Variants in PARD3B observed in about 807,000 individuals in gnomAD.
PARD3B encodes the protein par-3 family cell polarity regulator beta, also known as partitioning defective 3 homolog B.
Under a neutral mutation model 130.2 loss-of-function variants are expected in PARD3B, and 103 were observed. The ratio of observed to expected loss-of-function variants is 0.79; its 90% confidence interval spans 0.67 to 0.93. PARD3B has a LOEUF of 0.93. Ranked by LOEUF, PARD3B falls within the 40% of genes least tolerant of loss-of-function variation. The pLI is 0.00. For synonymous variants in PARD3B, 583 were observed against 553.2 expected (o/e 1.05, Z -0.76); for missense variants, 1,609 against 1,499.2 (o/e 1.07, Z -1.21).
intron 18 of PARD3B, among the ~76,000 whole-genome samples, chr2:205,349,400 T>C (rs2043910169): frequency 6.6e-6 from 1 of 152,222 alleles, no homozygotes; most frequent in Admixed American, 6.5e-5. Context: ...CTCCAAGCTC[T>C]CCTGGCATGA....
chr2:205,453,852 G>T (rs1177425093), intron 20 of PARD3B, among the ~76,000 whole-genome samples: 1 of 152,186 alleles, frequency 6.6e-6, no homozygotes, highest in Non-Finnish European at 1.5e-5. Flanking sequence ...TAGGGTATGT[G>T]TATAGCTGAG....
In PARD3B at chr2:205,379,888, T is replaced by A. The variant is rs2045245367; in HGVS notation, c.2631-21125T>A. ...ACTGAGACCATCTTGGCTAATATGG[T>A]GAAACCCCGTGTCTACTAAAAATAT... On this transcript the variant is annotated intron_variant, in intron 18 of 22. Transcript: ENST00000406610. Among the ~76,000 whole-genome samples the A allele has an allele frequency of 2.6e-5, 4 of 151,414 alleles. No individual in the cohort carries two copies. In the South Asian group the frequency reaches 8.4e-4, roughly 32 times the overall value.
At chr2:205,038,883 C>T (rs1057045145) in intron 3 of PARD3B, among the ~76,000 whole-genome samples, 2 of 152,146 alleles carry the variant, frequency 1.3e-5, no homozygotes, top group Non-Finnish European at 2.9e-5. Context: ...CTAATGGACT[C>T]ATATTTAAGA....
intron 15 of PARD3B, among the ~76,000 whole-genome samples, chr2:205,197,036 T>TGTGG: frequency 8.8e-6 from 1 of 113,620 alleles, no homozygotes; most frequent in Non-Finnish European, 2.0e-5. Context: ...GGGGGGGGTG[T>TGTGG]GTGTGTGTGT....
At chr2:205,074,014 G>T (rs1471466167) in intron 4 of PARD3B, among the ~76,000 whole-genome samples, 3 of 152,096 alleles carry the variant, frequency 2.0e-5, no homozygotes, top group Non-Finnish European at 4.4e-5. Flanking sequence ...TTAGACAAAT[G>T]GTAAGGCTGT....
At chr2:205,580,292 A>G (rs969618910) in intron 22 of PARD3B, among the ~76,000 whole-genome samples, 2 of 152,316 alleles carry the variant, frequency 1.3e-5, no homozygotes, top group Admixed American at 6.5e-5. Context: ...TTTTTCAAGT[A>G]TGACGCACAG....
At chr2:205,342,394 A>G (rs904124091) in intron 18 of PARD3B, among the ~76,000 whole-genome samples, 2 of 152,206 alleles carry the variant, frequency 1.3e-5, no homozygotes, top group South Asian at 4.1e-4. Flanking sequence ...ACAGCTTCCA[A>G]ATATCTCAGA....
At position 204,906,387 on chromosome 2, in the gene PARD3B, T is replaced by C. The variant is rs2047043095; in HGVS notation, c.223-58765T>C. Among the ~76,000 whole-genome samples, 1 of 152,136 alleles carries C rather than the reference T, an allele frequency of 6.6e-6. No individual in the cohort carries two copies. The highest frequency in any genetic ancestry group is 1.5e-5 in the Non-Finnish European group (1 of 68,018). The stretch of plus-strand genomic sequence containing the variant: ...AGAATGCTAAAGCCCATTTTCCCCC[T>C]TTGTTTTCTCTTTTCATTGGTGTGT... On this transcript the variant is annotated intron_variant, in intron 2 of 22. Coordinates refer to ENST00000406610, the MANE Select transcript of PARD3B (RefSeq NM_001302769.2). The surrounding 1 kb of genome is among the most constrained non-coding windows in gnomAD (Gnocchi z 4.3).
intron 21 of PARD3B, among the ~76,000 whole-genome samples, chr2:205,535,497 T>G (rs906000288): frequency 6.6e-6 from 1 of 152,228 alleles, no homozygotes; most frequent in Non-Finnish European, 1.5e-5. Flanking sequence ...CATGTGAATA[T>G]TCTAGTTCAA....
chr2:205,239,715 A>G (rs1402596659), intron 15 of PARD3B, among the ~76,000 whole-genome samples: 1 of 152,242 alleles, frequency 6.6e-6, no homozygotes, highest in Non-Finnish European at 1.5e-5. Context: ...GATGAAGGGA[A>G]TAAGCCCTCC....
In PARD3B at chr2:205,495,834, A is replaced by C. The variant is rs530951358; in HGVS notation, c.3045-4062A>C. ...ATCATCTATTTGCTAGGAGCTTCAT[A>C]TTCTTCATCTTTATTGAGCAGAATA... On this transcript the variant is annotated intron_variant, in intron 20 of 22. Transcript: ENST00000406610. Among the ~76,000 whole-genome samples the C allele has an allele frequency of 3.3e-5, 5 of 152,288 alleles. No individual in the cohort carries two copies. In the South Asian group the frequency reaches 8.3e-4, roughly 25 times the overall value.
chr2:205,425,953 G>A (rs1475775759), intron 19 of PARD3B, among the ~76,000 whole-genome samples: 1 of 152,054 alleles, frequency 6.6e-6, no homozygotes, highest in Non-Finnish European at 1.5e-5. Flanking sequence ...TTGCATGTCA[G>A]TATTATAGAA....
At chr2:205,521,517 C>A (rs2051055016) in intron 21 of PARD3B, among the ~76,000 whole-genome samples, 1 of 151,514 alleles carries the variant, frequency 6.6e-6, no homozygotes, top group South Asian at 2.1e-4. Flanking sequence ...AGTTTTTTCA[C>A]ATACCATTTA....
rs79035687 is a variant in PARD3B at position 205,091,514 on chromosome 2, T to C, written c.505-12912T>C. Among the ~76,000 whole-genome samples the C allele has an allele frequency of 0.01, 1,527 of 152,202 alleles. 13 individuals carry two copies. Among genetic ancestry groups the C allele is most frequent in the Non-Finnish European group, 0.016 (1,122 of 68,012 alleles). The stretch of plus-strand genomic sequence containing the variant: ...GTTGTTGTTTCTAGCAACCACCACC[T>C]CTCCTATTTAGATATGGTCCCACAG... On this transcript the variant is annotated intron_variant, in intron 4 of 22. Transcript: ENST00000406610. The surrounding 1 kb of genome is among the most constrained non-coding windows in gnomAD (Gnocchi z 4.2).
At chr2:204,641,295 G>T (rs1268238754) in intron 1 of PARD3B, among the ~76,000 whole-genome samples, 1 of 151,274 alleles carries the variant, frequency 6.6e-6, no homozygotes, top group Non-Finnish European at 1.5e-5. Context: ...GAACTTCTAA[G>T]GACTCATACA....
intron 4 of PARD3B, among the ~76,000 whole-genome samples, chr2:205,090,572 A>G (rs1277141442): frequency 1.3e-5 from 2 of 152,184 alleles, no homozygotes; most frequent in Non-Finnish European, 2.9e-5. Flanking sequence ...TCACAATCAG[A>G]TGGCAGGTTG....
At chr2:205,519,890 G>A (rs1179164431) in intron 21 of PARD3B, among the ~76,000 whole-genome samples, 5 of 152,112 alleles carry the variant, frequency 3.3e-5, no homozygotes, top group Non-Finnish European at 7.4e-5. Flanking sequence ...TGATCCAGTA[G>A]GTGGCACTTA....
chr2:205,111,007 GGTT>G (rs1559448635), intron 5 of PARD3B, among the ~76,000 whole-genome samples: 2 of 152,048 alleles, frequency 1.3e-5, no homozygotes, highest in East Asian at 3.9e-4. Flanking sequence ...TAGTACTGAG[GGTT>G]GTTTTCTCTT....
At chr2:205,296,663 A>ATGTGTGTGTG (rs3048084) in intron 16 of PARD3B, among the ~76,000 whole-genome samples, 114 of 138,032 alleles carry the variant, frequency 8.3e-4, no homozygotes, top group African/African-American at 2.8e-3. Flanking sequence ...GTGTTTGTGT[A>ATGTGTGTGTG]TGTGTGTGTG....
Sources: allele counts gnomAD v4.1 joint callset (sites outside exome capture counted in the v4.1 genomes callset), GRCh38; gene constraint gnomAD v4.1.1; non-coding constraint Gnocchi (gnomAD v3.1); transcripts MANE v1.5; gene names NCBI Gene and HGNC (gene_info 2026-07-23, HGNC 2026-07-21).